NDC1: variants seen among roughly 807,000 people sequenced by gnomAD.
The protein encoded by NDC1 is nucleoporin NDC1.
NDC1 carries 24 observed loss-of-function variants against 89.8 expected under a neutral mutation model. The ratio of observed to expected loss-of-function variants is 0.27; its 90% CI spans 0.19 to 0.38. NDC1 has a LOEUF of 0.38. Among genes scored for constraint, NDC1 ranks in the 10% least tolerant of loss-of-function variants. The pLI is 1.00. For missense variants in NDC1, 728 were observed against 797.6 expected, an observed-to-expected ratio of 0.91 and a Z score of 1.05; for synonymous variants, 296 against 284.8, an observed-to-expected ratio of 1.04 and a Z score of -0.39.
intron 14 of NDC1, among the ~76,000 whole-genome samples, chr1:53,790,287 C>G (rs558423988): frequency 6.6e-6 from 1 of 151,372 alleles, no homozygotes; most frequent in South Asian, 2.1e-4. Flanking sequence ...ATCACTTGAA[C>G]CCGGGAGGCA....
At chr1:53,817,011 G>A (rs549934993) in intron 6 of NDC1, among the ~76,000 whole-genome samples, 105 of 152,226 alleles carry the variant, frequency 6.9e-4, no homozygotes, top group African/African-American at 2.4e-3. Context: ...GCGTGGATGC[G>A]GTCAACAAGG....
At chr1:53,787,371 G>A (rs1647339169) in intron 15 of NDC1, 113 bp from the exon 16 acceptor site, 3 of 634,854 alleles carry the variant, frequency 4.7e-6, no homozygotes, top group African/African-American at 1.9e-5. Context: ...AATAAAGGCT[G>A]GGCACGGTGG....
chr1:53,767,885 T>G lies in NDC1; in HGVS notation c.*85A>C. The G allele has an allele frequency of 1.2e-6, 1 of 822,238 alleles. No individual in the cohort carries two copies. The highest frequency in any genetic ancestry group is 2.0e-5 in the South Asian group (1 of 49,654). The allele number at this position is 822,238 out of a possible 1,614,324, so 50.9% of individuals were successfully genotyped here. ...AAAGGAAGCATCTAATTAGTCCGTT[T>G]TCTTCTGATCCAAGAATGCTGAACA... is the stretch of plus-strand genomic sequence containing the variant. On this transcript the variant is annotated 3_prime_UTR_variant, in exon 18 of 18. Coordinates refer to ENST00000371429, the MANE Select transcript of NDC1 (RefSeq NM_018087.5).
chr1:53,802,339 G>T (rs2100657890), intron 10 of NDC1, among the ~76,000 whole-genome samples: 1 of 152,088 alleles, frequency 6.6e-6, no homozygotes, highest in East Asian at 1.9e-4. Context: ...TAATTGGCAA[G>T]CTTGGCAAAC....
intron 13 of NDC1, among the ~76,000 whole-genome samples, chr1:53,794,465 GGCATATAGA>G (rs1647627153): frequency 6.6e-6 from 1 of 152,150 alleles, no homozygotes; most frequent in Non-Finnish European, 1.5e-5. Flanking sequence ...CAGTACTAAT[GGCATATAGA>G]GCCGTATGGG....
intron 1 of NDC1, among the ~76,000 whole-genome samples, chr1:53,836,775 T>C (rs948672928): frequency 6.6e-6 from 1 of 152,086 alleles, no homozygotes; most frequent in African/African-American, 2.4e-5. Context: ...CAGCCTCCTA[T>C]CCCACATTCT....
intron 16 of NDC1, 102 bp from the exon 17 acceptor site, chr1:53,772,591 A>G (rs1570151620): frequency 1.8e-6 from 2 of 1,089,040 alleles, no homozygotes; most frequent in East Asian, 4.9e-5. Context: ...TGGAAGGACG[A>G]GGCGGGAGGA....
chr1:53,811,330 A>G (rs1352713006), intron 6 of NDC1, among the ~76,000 whole-genome samples: 1 of 151,882 alleles, frequency 6.6e-6, no homozygotes, highest in African/African-American at 2.4e-5. Flanking sequence ...GTGGGGCAAG[A>G]ACCAAGCTCT....
intron 16 of NDC1, among the ~76,000 whole-genome samples, chr1:53,772,712 AT>A (rs1647127146): frequency 2.6e-5 from 4 of 151,516 alleles, no homozygotes; most frequent in East Asian, 1.9e-4. Flanking sequence ...ATAACATAAC[AT>A]AACATAACAA....
In NDC1 at chr1:53,767,148, T is replaced by G. The variant is rs999399561; in HGVS notation, c.*822A>C. ...ATTTCCTGGGTTTTTTTGCAAACCT[T>G]TTTCTCTTGCTTGAAAAACTCTGCA... is the stretch of plus-strand genomic sequence containing the variant. On this transcript the variant is annotated 3_prime_UTR_variant, in exon 18 of 18. Coordinates refer to ENST00000371429, the MANE Select transcript of NDC1 (RefSeq NM_018087.5). The G allele has an allele frequency of 6.6e-6, 1 of 152,174 alleles. No individual in the cohort carries two copies. Among genetic ancestry groups the G allele is most frequent in the Admixed American group, 6.5e-5 (1 of 15,272 alleles). The allele number at this position is 152,174 out of a possible 1,614,324, so 9.4% of individuals were successfully genotyped here.
At chr1:53,771,695 G>A (rs534392258) in intron 17 of NDC1, among the ~76,000 whole-genome samples, 20 of 152,266 alleles carry the variant, frequency 1.3e-4, no homozygotes, top group African/African-American at 4.8e-4. Flanking sequence ...GCAATCTCTC[G>A]TGTCTTCTAA....
At chr1:53,838,085 A>T in intron 1 of NDC1, 120 bp downstream of exon 1, 1 of 886,216 alleles carries the variant, frequency 1.1e-6, no homozygotes, top group Non-Finnish European at 1.7e-6. Flanking sequence ...TGCCTTCCCC[A>T]CGCGTTCTCT....
intron 16 of NDC1, among the ~76,000 whole-genome samples, chr1:53,784,540 C>A (rs1250608798): frequency 6.6e-6 from 1 of 152,194 alleles, no homozygotes; most frequent in African/African-American, 2.4e-5. Context: ...CGCCTATAAT[C>A]CCAGCACTTT....
intron 2 of NDC1, among the ~76,000 whole-genome samples, chr1:53,833,991 C>T (rs1182962719): frequency 6.6e-6 from 1 of 152,036 alleles, no homozygotes; most frequent in Non-Finnish European, 1.5e-5. Context: ...CCACCACACC[C>T]AGGCTGGTCA....
At chr1:53,786,128 G>A (rs1647299512) in intron 16 of NDC1, among the ~76,000 whole-genome samples, 1 of 151,918 alleles carries the variant, frequency 6.6e-6, no homozygotes, top group South Asian at 2.1e-4. Context: ...GTTTTACCAT[G>A]TTGCCCAGAC....
chr1:53,811,172 C>T (rs1400931747), intron 6 of NDC1, among the ~76,000 whole-genome samples: 2 of 152,186 alleles, frequency 1.3e-5, no homozygotes, highest in African/African-American at 4.8e-5. Context: ...CACAGGGATC[C>T]ATCAGAAGGT....
intron 16 of NDC1, among the ~76,000 whole-genome samples, chr1:53,786,813 C>T (rs1369148704): frequency 1.3e-5 from 2 of 152,108 alleles, no homozygotes; most frequent in Non-Finnish European, 2.9e-5. Context: ...CCTCCCACCT[C>T]GGGCTCCTGA....
intron 11 of NDC1, among the ~76,000 whole-genome samples, chr1:53,798,379 A>C (rs1647796761): frequency 6.6e-6 from 1 of 151,330 alleles, no homozygotes; most frequent in Non-Finnish European, 1.5e-5. Context: ...CATGTTGGCC[A>C]GATGGTTTTG....
At chr1:53,831,441 G>A (rs1038863337) in intron 3 of NDC1, among the ~76,000 whole-genome samples, 3 of 151,848 alleles carry the variant, frequency 2.0e-5, no homozygotes, top group Non-Finnish European at 4.4e-5. Flanking sequence ...CACTTGGGAG[G>A]CCGAGGGCAG....
Sources: allele counts gnomAD v4.1 joint callset (sites outside exome capture counted in the v4.1 genomes callset), GRCh38; gene constraint gnomAD v4.1.1; transcripts MANE v1.5; gene names NCBI Gene and HGNC (gene_info 2026-07-23, HGNC 2026-07-21).